Variants in FLNA observed in about 807,000 individuals in gnomAD.
FLNA encodes filamin A.
In FLNA, 7 loss-of-function variants were observed where a neutral mutation model predicts 157.6. The observed-to-expected ratio is 0.04, with a 90% CI of 0.03 to 0.08. FLNA has a LOEUF of 0.08. Among genes scored for constraint, FLNA ranks in the 10% least tolerant of loss-of-function variants. The probability of loss-of-function intolerance (pLI) is 1.00; values close to 1 mark genes in which losing one functional copy is unlikely to be tolerated. For missense variants in FLNA, 1,750 were observed against 2,398.4 expected, an observed-to-expected ratio of 0.73 and a Z score of 5.65; for synonymous variants, 1,103 against 1,060.8, an observed-to-expected ratio of 1.04 and a Z score of -0.77.
chrX:154,358,728 CA>C (rs1411184334), intron 26 of FLNA, 160 bp from the exon 27 acceptor site: 11 of 712,982 alleles, frequency 1.5e-5, no homozygotes, highest in Non-Finnish European at 2.1e-5. Context: ...GCACGAAAGA[CA>C]CCCATCTGGG....
intron 26 of FLNA, 22 bp from the exon 27 acceptor site, chrX:154,358,590 G>A: frequency 8.3e-7 from 1 of 1,206,963 alleles, no homozygotes; most frequent in South Asian, 1.8e-5. Flanking sequence ...CCCAGGGACA[G>A]AGCATCAGCT....
rs1442578060 is a variant in FLNA at position 154,365,932 on chromosome X, C to T, written c.1429+92G>A. The T allele has an allele frequency of 3.6e-5, 32 of 881,148 alleles. No individual in the cohort carries two copies. In the Admixed American group the frequency reaches 5.2e-4, roughly 14 times the overall value. 72.6% of individuals were successfully genotyped at this position (881,148 alleles called of 1,213,427 possible). The stretch of plus-strand genomic sequence containing the variant: ...AGCTCAAAGAGTAGGGGCCCCGGGG[C>T]GGGCTGCAGCGGGACTGGCCCAGGG... On this transcript the variant is annotated intron_variant, in intron 9 of 47. Coordinates refer to ENST00000369850, the MANE Select transcript of FLNA (RefSeq NM_001110556.2).
rs372028899 is a variant in FLNA at position 154,354,042 on chromosome X, T to G, written c.5559A>C (p.Gly1853=). The G allele has an allele frequency of 3.6e-5, 43 of 1,210,774 alleles. No individual in the cohort carries two copies. The African/African-American group carries it at 5.0e-4, about 14-fold the overall frequency. Residue 1853 remains glycine (G), a splice_region_variant and synonymous_variant, in exon 35 of 48, where the codon GGA becomes GGC. Transcript: ENST00000369850. ...AATCCACATAGAACTGCAAGGGGCTTCCTGAGGCAGGAAGAAGGGCCTTGT... is the reference window on the plus strand; with the variant it reads ...AATCCACATAGAACTGCAAGGGGCTGCCTGAGGCAGGAAGAAGGGCCTTGT... ...DIRYDNMHIP[G]SPLQFYVDYV...
Position 154,353,465 on chromosome X carries a change from G to C in FLNA, c.5861-8C>G. The C allele has an allele frequency of 8.3e-7, 1 of 1,211,393 alleles. No homozygotes were observed. On this transcript the variant is annotated splice_polypyrimidine_tract_variant and splice_region_variant and intron_variant, in intron 36 of 47. Coordinates refer to ENST00000369850, the MANE Select transcript of FLNA (RefSeq NM_001110556.2). ...TACGCATGGAGTCGTCACCTGGTGG[G>C]GACAGGCCAGCCATCAGTGTGCGTC...
intron 1 of FLNA, among the ~76,000 whole-genome samples, 175 bp from the exon 2 acceptor site, chrX:154,371,536 G>T (rs1204037312): frequency 8.9e-6 from 1 of 112,407 alleles, no homozygotes; most frequent in African/African-American, 3.2e-5. Context: ...CGAAACCCGG[G>T]CTCCAGGGTG....
Position 154,352,380 on chromosome X carries a change from G to C in FLNA, c.6570C>G (p.Ile2190Met), listed in dbSNP as rs782314560. The C allele has an allele frequency of 8.3e-7, 1 of 1,211,958 alleles. No individual in the cohort carries two copies. Among genetic ancestry groups the C allele is most frequent in the African/African-American group, 1.7e-5 (1 of 57,988 alleles). Reference protein sequence around the residue: ...SPSGKTHEAEIVEGENHTYCI... With the variant: ...SPSGKTHEAEMVEGENHTYCI... Reference sequence around the variant, plus strand: ...AGTAGGTGTGGTTCTCCCCTTCCACGATCTCGGCCTCATGGGTCTTGCCCG... The same window carrying C: ...AGTAGGTGTGGTTCTCCCCTTCCACCATCTCGGCCTCATGGGTCTTGCCCG... The change falls in exon 41 of 48, where the codon ATC becomes ATG. Residue 2190 changes from isoleucine to methionine, a missense_variant. Transcript: ENST00000369850.
chrX:154,373,251 AC>A (rs1435851417), intron 1 of FLNA, among the ~76,000 whole-genome samples: 3 of 111,904 alleles, frequency 2.7e-5, no homozygotes, highest in Non-Finnish European at 3.8e-5. Flanking sequence ...CTCTCTCTCC[AC>A]TAAGGGCCAT....
intron 26 of FLNA, 117 bp downstream of exon 26, chrX:154,358,867 A>T: frequency 1.1e-6 from 1 of 875,217 alleles, no homozygotes. Flanking sequence ...AAAAACACCT[A>T]CACACTTGCA....
intron 7 of FLNA, 40 bp from the exon 8 acceptor site, chrX:154,366,510 G>A (rs782697130): frequency 3.3e-6 from 4 of 1,207,721 alleles, no homozygotes; most frequent in African/African-American, 1.7e-5. Context: ...AGGGCTGGGG[G>A]CCTCCAGCCA....
chrX:154,355,129 T>C, intron 30 of FLNA, 57 bp from the exon 31 acceptor site: 15 of 1,152,862 alleles, frequency 1.3e-5, no homozygotes, highest in Non-Finnish European at 1.6e-5. Flanking sequence ...CGGGTTCAGG[T>C]TGTTCCCGTC....
At position 154,352,991 on chromosome X, in the gene FLNA, C is replaced by T. The variant is rs1557176093; in HGVS notation, c.6226+10G>A. The T allele has an allele frequency of 8.3e-7, 1 of 1,209,774 alleles. No homozygotes were observed. Among genetic ancestry groups the T allele is most frequent in the Non-Finnish European group, 1.1e-6 (1 of 893,821 alleles). On this transcript the variant is annotated intron_variant, in intron 38 of 47. Transcript: ENST00000369850. ...GCTCCCGCCCCAGCTGGTGGGCAGC[C>T]ACTGCCTACCTGCATCGCGGGTATC...
At position 154,361,422 on chromosome X, in the gene FLNA, C is replaced by T. The variant is rs1569551722; in HGVS notation, c.3093G>A (p.Val1031=). The change falls in exon 21 of 48, where the codon GTG becomes GTA. Residue 1031 remains valine, a synonymous_variant. Coordinates refer to ENST00000369850, the MANE Select transcript of FLNA (RefSeq NM_001110556.2). ...GCCCTTCCTCACGGGGCAGGAAGCG[C>T]ACCACACTGTTGTCAGCCCCCAGGC... is the stretch of plus-strand genomic sequence containing the variant. The part of the protein sequence containing the change: ...EPGLGADNSV[V]RFLPREEGPY... The T allele has an allele frequency of 3.3e-6, 4 of 1,211,212 alleles. No individual in the cohort carries two copies. Among genetic ancestry groups the T allele is most frequent in the Non-Finnish European group, 4.5e-6 (4 of 895,482 alleles).
At position 154,352,376 on chromosome X, in the gene FLNA, C is replaced by T. The variant is rs1045173164; in HGVS notation, c.6574G>A (p.Glu2192Lys). 1 of 1,212,171 alleles carries T rather than the reference C, an allele frequency of 8.2e-7. No homozygotes were observed. Among genetic ancestry groups the T allele is most frequent in the Non-Finnish European group, 1.1e-6 (1 of 895,616 alleles). ...ATGCAGTAGGTGTGGTTCTCCCCTT[C>T]CACGATCTCGGCCTCATGGGTCTTG... ...SGKTHEAEIV[E>K]GENHTYCIRF... Residue 2192 changes from glutamate (E) to lysine (K), a missense_variant, in exon 41 of 48, where the codon GAA becomes AAA. Physicochemically the swap from Glu to Lys is moderately conservative, Grantham distance 56. This residue lies in a region of FLNA where 970 missense variants were observed against 1,302.6 expected (regional missense o/e 0.74). Coordinates refer to ENST00000369850, the MANE Select transcript of FLNA (RefSeq NM_001110556.2).
intron 2 of FLNA, among the ~76,000 whole-genome samples, chrX:154,369,083 C>G (rs1364167899): frequency 3.6e-5 from 4 of 112,571 alleles, no homozygotes; most frequent in Non-Finnish European, 7.5e-5. Flanking sequence ...CAAAATACTT[C>G]TCTGGTGAGT....
intron 1 of FLNA, among the ~76,000 whole-genome samples, chrX:154,374,009 G>A (rs1178202434): frequency 8.9e-6 from 1 of 112,708 alleles, no homozygotes; most frequent in Non-Finnish European, 1.9e-5. Flanking sequence ...CCCCCATGGA[G>A]TAGAGCAGCC....
At chrX:154,369,074 A>G (rs2067784374) in intron 2 of FLNA, among the ~76,000 whole-genome samples, 1 of 112,457 alleles carries the variant, frequency 8.9e-6, no homozygotes, top group Non-Finnish European at 1.9e-5. Flanking sequence ...ATAATCAGAC[A>G]AAATACTTCT....
chrX:154,364,019 C>T lies in FLNA; in HGVS notation c.2280+3G>A, dbSNP rs782634306. 8.3e-7 allele frequency: 1 copy of T among 1,210,838 alleles called. No homozygotes were observed. Among genetic ancestry groups the T allele is most frequent in the Non-Finnish European group, 1.1e-6 (1 of 894,848 alleles). ...GACTAAAGGCCGGTGGAGGTTGGCT[C>T]ACCCTGAAGGGGCTGTTGGGGATGC... On this transcript the variant is annotated splice_donor_region_variant and intron_variant, in intron 15 of 47. Coordinates refer to ENST00000369850, the MANE Select transcript of FLNA (RefSeq NM_001110556.2).
At position 154,348,731 on chromosome X, in the gene FLNA, C is replaced by A; in HGVS notation, c.*118G>T. On this transcript the variant is annotated 3_prime_UTR_variant, in exon 48 of 48. Coordinates refer to ENST00000369850, the MANE Select transcript of FLNA (RefSeq NM_001110556.2). Reference sequence around the variant, plus strand: ...AGCGCAGCACGGCACAGGGCAGGGGCGGCTGCAGTGACAGGCGGGCGGCCA... The same window carrying A: ...AGCGCAGCACGGCACAGGGCAGGGGAGGCTGCAGTGACAGGCGGGCGGCCA... The A allele has an allele frequency of 4.6e-6, 3 of 647,034 alleles. No homozygotes were observed. The highest frequency in any genetic ancestry group is 7.0e-6 in the Non-Finnish European group (3 of 426,012). The allele number at this position is 647,034 out of a possible 1,213,427, so 53.3% of individuals were successfully genotyped here.
Position 154,350,875 on chromosome X carries a change from A to C in FLNA, c.7156+34T>G, listed in dbSNP as rs1180999151. 2.5e-6 allele frequency: 3 copies of C among 1,201,808 alleles called. No individual in the cohort carries two copies. In the African/African-American group the frequency reaches 5.3e-5, roughly 21 times the overall value. ...TACTCTCAGCCTGCTTCCAGCCAGC[A>C]GGGCAGGGCGGCCGGGCAGGGACAG... On this transcript the variant is annotated intron_variant, in intron 44 of 47. Transcript: ENST00000369850.
Sources: allele counts gnomAD v4.1 joint callset (sites outside exome capture counted in the v4.1 genomes callset), GRCh38; gene constraint gnomAD v4.1.1; regional missense constraint gnomAD v4.1.1; transcripts MANE v1.5; gene names NCBI Gene and HGNC (gene_info 2026-07-23, HGNC 2026-07-21).